The following PTPRU variants were observed in gnomAD, a reference collection of about 807,000 sequenced individuals.
The protein encoded by PTPRU is receptor-type tyrosine-protein phosphatase U.
Under a neutral mutation model 166.3 loss-of-function variants are expected in PTPRU, and 69 were observed. The ratio of observed to expected loss-of-function variants is 0.41; its 90% CI spans 0.34 to 0.51. The LOEUF is 0.51. Ranked by LOEUF, PTPRU falls within the 20% of genes least tolerant of loss-of-function variation. The pLI, the probability that PTPRU is intolerant of heterozygous loss-of-function variation, is 0.09. For synonymous variants in PTPRU, 793 were observed against 814.0 expected (o/e 0.97, Z 0.44); for missense variants, 1,657 against 2,013.7 (o/e 0.82, Z 3.39).
In PTPRU at chr1:29,316,169, G is replaced by A. The variant is rs35403596; in HGVS notation, c.3513+18G>A. The A allele has an allele frequency of 0.1, 160,988 of 1,609,038 alleles. 8,824 individuals are homozygous for A. Among genetic ancestry groups the A allele is most frequent in the Middle Eastern group, 0.19 (1,032 of 5,540 alleles). ...AGTTCCAGGTGGGGGATGAGTGCGT[G>A]TGTATAGGTGTGTGTGTGTGTGTCT... is the stretch of plus-strand genomic sequence containing the variant. On this transcript the variant is annotated intron_variant, in intron 24 of 29. Coordinates refer to ENST00000373779, the MANE Select transcript of PTPRU (RefSeq NM_133178.4).
At chr1:29,325,355 C>A in intron 29 of PTPRU, 29 bp downstream of exon 29, 1 of 1,611,738 alleles carries the variant, frequency 6.2e-7, no homozygotes, top group South Asian at 1.1e-5. Flanking sequence ...TGCCCAGCCA[C>A]TTCCACCTTC....
chr1:29,296,787 G>T (rs557368121), intron 15 of PTPRU, among the ~76,000 whole-genome samples: 2 of 151,734 alleles, frequency 1.3e-5, no homozygotes, highest in South Asian at 2.1e-4. Flanking sequence ...CTCTCAAAGT[G>T]CTGGGATTAC....
Position 29,283,935 on chromosome 1 carries a change from T to C in PTPRU, c.2143-5T>C. 6.2e-7 allele frequency: 1 copy of C among 1,613,992 alleles called. No individual in the cohort carries two copies. Among genetic ancestry groups the C allele is most frequent in the East Asian group, 2.2e-5 (1 of 44,864 alleles). ...CAACGCTGAGACCCCCATCTGTGCCTCCAGGAGACCCGGCTGAATTGCATC... is the reference window on the plus strand; with the variant it reads ...CAACGCTGAGACCCCCATCTGTGCCCCCAGGAGACCCGGCTGAATTGCATC... On this transcript the variant is annotated splice_polypyrimidine_tract_variant and splice_region_variant and intron_variant, in intron 12 of 29. Transcript: ENST00000373779.
chr1:29,296,993 T>A (rs770964624), intron 15 of PTPRU, among the ~76,000 whole-genome samples: 1 of 152,032 alleles, frequency 6.6e-6, no homozygotes, highest in Non-Finnish European at 1.5e-5. Context: ...CATATTCTCC[T>A]TGTAATCTCT....
At chr1:29,252,168 C>A (rs1684574369) in intron 1 of PTPRU, among the ~76,000 whole-genome samples, 1 of 152,210 alleles carries the variant, frequency 6.6e-6, no homozygotes, top group Non-Finnish European at 1.5e-5. Flanking sequence ...TTGGTGCCAT[C>A]CTCACACCCA....
At chr1:29,292,811 T>TTG (rs1686700552) in intron 15 of PTPRU, among the ~76,000 whole-genome samples, 1 of 141,824 alleles carries the variant, frequency 7.1e-6, no homozygotes, top group African/African-American at 2.8e-5. Context: ...CTTGAAATTG[T>TTG]TGTGTTTTTT....
Position 29,282,808 on chromosome 1 carries a change from C to T in PTPRU, c.2001C>T (p.Ala667=), listed in dbSNP as rs535081694. Residue 667 remains alanine (A), a synonymous_variant, in exon 12 of 30, where the codon GCC becomes GCT. Transcript: ENST00000373779. ...LARGLVHYFG[A]ELAASSLPEA... ...GAGGCCTGGTGCACTACTTCGGGGC[C>T]GAACTGGCGGCCAGCAGTCTACCTG... The T allele has an allele frequency of 8.7e-6, 14 of 1,614,140 alleles. No homozygotes were observed. Among genetic ancestry groups the T allele is most frequent in the Non-Finnish European group, 1.0e-5 (12 of 1,180,004 alleles).
chr1:29,320,763 T>G lies in PTPRU; in HGVS notation c.3766T>G (p.Tyr1256Asp). ...CACGCCCGACTTCTGGCGGCTGGTC[T>G]ACGATTACGGGTGCACCTCCATCGT... Reference protein sequence around the residue: ...STTPDFWRLVYDYGCTSIVML... With the variant: ...STTPDFWRLVDDYGCTSIVML... The change falls in exon 26 of 30, where the codon TAC (tyrosine) becomes GAC (aspartate). Residue 1256 changes from tyrosine (Y) to aspartate (D), a missense_variant. By Grantham distance (160) the Tyr-to-Asp change is radical. Around this residue, in one of 3 missense-constraint regions of PTPRU, gnomAD observed 1,190 missense variants for 1,477.4 expected, o/e 0.81. Coordinates refer to ENST00000373779, the MANE Select transcript of PTPRU (RefSeq NM_133178.4). This position sits in a 1 kb window ranked among gnomAD's most constrained non-coding sequence, Gnocchi z 5.2. The G allele has an allele frequency of 6.2e-7, 1 of 1,608,742 alleles. No homozygotes were observed. The highest frequency in any genetic ancestry group is 2.2e-5 in the East Asian group (1 of 44,648).
At chr1:29,284,262 G>A (rs1201338140) in intron 13 of PTPRU, among the ~76,000 whole-genome samples, 1 of 152,138 alleles carries the variant, frequency 6.6e-6, no homozygotes, top group African/African-American at 2.4e-5. Flanking sequence ...GTATCTGTCC[G>A]GCTTTCCTGT....
In PTPRU at chr1:29,288,514, C is replaced by T. The variant is rs114031839; in HGVS notation, c.2319-3355C>T. ...AATGCCATTTCTTCAGCCGTGTCCT[C>T]CCTCGTGGGGCCTCTGCAACAGCCC... On this transcript the variant is annotated intron_variant, in intron 14 of 29. Coordinates refer to ENST00000373779, the MANE Select transcript of PTPRU (RefSeq NM_133178.4). Among the ~76,000 whole-genome samples, 1,030 of 152,240 alleles carry T rather than the reference C, an allele frequency of 6.8e-3. 15 individuals are homozygous for T. The highest frequency in any genetic ancestry group is 0.023 in the African/African-American group (964 of 41,536).
At chr1:29,252,498 C>T (rs1684598145) in intron 1 of PTPRU, among the ~76,000 whole-genome samples, 1 of 152,070 alleles carries the variant, frequency 6.6e-6, no homozygotes, top group Admixed American at 6.5e-5. Flanking sequence ...GAACTCCTGA[C>T]CTCAGGCGAT....
Position 29,258,552 on chromosome 1 carries a change from G to A in PTPRU, c.253G>A (p.Ala85Thr), listed in dbSNP as rs564556096. The A allele has an allele frequency of 1.2e-5, 19 of 1,614,198 alleles. No individual in the cohort carries two copies. The Middle Eastern group carries it at 6.6e-4, about 56-fold the overall frequency. ...TTCCCAGCATGCCCCAGGCCAGCGA[G>A]CCCATGTCATCTTCCAGAGCCTGAG... is the stretch of plus-strand genomic sequence containing the variant. ...NTSQHAPGQR[A>T]HVIFQSLSEN... The change falls in exon 3 of 30, where the codon GCC becomes ACC. Residue 85 changes from alanine to threonine, a missense_variant. Physicochemically the swap from Ala to Thr is moderately conservative, Grantham distance 58 (BLOSUM62 0). Around this residue, in one of 3 missense-constraint regions of PTPRU, gnomAD observed 453 missense variants for 496.9 expected, o/e 0.91. Transcript: ENST00000373779.
At chr1:29,316,419 A>G (rs1342881722) in intron 24 of PTPRU, among the ~76,000 whole-genome samples, 1 of 152,194 alleles carries the variant, frequency 6.6e-6, no homozygotes, top group African/African-American at 2.4e-5. Context: ...GTATCCTTGA[A>G]CAGTTCCCTT....
chr1:29,323,799 G>A lies in PTPRU; in HGVS notation c.4112+11G>A, dbSNP rs202130665. The A allele has an allele frequency of 5.0e-6, 8 of 1,613,582 alleles. No homozygotes were observed. The highest frequency in any genetic ancestry group is 2.2e-5 in the East Asian group (1 of 44,862). ...CATCGTGCACTGCCTGTGAGTACCT[G>A]CCCTGTGGGAGGGCGGGTGGAGGGG... is the stretch of plus-strand genomic sequence containing the variant. On this transcript the variant is annotated intron_variant, in intron 28 of 29. Transcript: ENST00000373779.
Position 29,236,825 on chromosome 1 carries a change from C to T in PTPRU, c.73+108C>T. Reference sequence around the variant, plus strand: ...AGTGACCGGGCGTTACGAGCGTGCTCCCTGTGTGTGTCTGAGCGTAGGATG... The same window carrying T: ...AGTGACCGGGCGTTACGAGCGTGCTTCCTGTGTGTGTCTGAGCGTAGGATG... On this transcript the variant is annotated intron_variant, in intron 1 of 29. Transcript: ENST00000373779. This position sits in a 1 kb window ranked among gnomAD's most constrained non-coding sequence, Gnocchi z 4.6. 1 of 1,071,752 alleles carries T rather than the reference C, an allele frequency of 9.3e-7. No individual in the cohort carries two copies. The highest frequency in any genetic ancestry group is 1.2e-6 in the Non-Finnish European group (1 of 831,698). 66.4% of individuals were successfully genotyped at this position (1,071,752 alleles called of 1,614,324 possible).
intron 14 of PTPRU, chr1:29,289,728 T>G: frequency 6.2e-7 from 1 of 1,613,810 alleles, no homozygotes; most frequent in Non-Finnish European, 8.5e-7. Context: ...TAGCTCTACC[T>G]TGCCTGGGAG....
intron 2 of PTPRU, among the ~76,000 whole-genome samples, chr1:29,258,144 T>C (rs1232798208): frequency 6.6e-6 from 1 of 152,172 alleles, no homozygotes. Context: ...TTTGTTTTTT[T>C]AGTAGAGACA....
rs1684971683 is a variant in PTPRU, at chr1:29,259,975, C to G, written c.781C>G (p.Leu261Val). 6.4e-7 allele frequency: 1 copy of G among 1,554,008 alleles called. No individual in the cohort carries two copies. The highest frequency in any genetic ancestry group is 8.6e-7 in the Non-Finnish European group (1 of 1,157,574). The change falls in exon 6 of 30, where the codon CTG becomes GTG. Residue 261 changes from leucine to valine, a missense_variant. Leu to Val is a conservative substitution (Grantham distance 32). Coordinates refer to ENST00000373779, the MANE Select transcript of PTPRU (RefSeq NM_133178.4). ...TGCCGTGAGCCGCGCCGAGCAGGAC[C>G]TGTACCGCTGTGTGTCCCAGGCCCC... ...LAAVSRAEQD[L>V]YRCVSQAPRG...
chr1:29,292,671 A>C (rs925321919), intron 15 of PTPRU, among the ~76,000 whole-genome samples: 11 of 152,356 alleles, frequency 7.2e-5, no homozygotes, highest in African/African-American at 2.6e-4. Flanking sequence ...GAGAATATGT[A>C]ATGTTTATGA....
Sources: gnomAD v4.1 joint callset for allele counts (sites outside exome capture counted in the v4.1 genomes callset) on GRCh38, gnomAD v4.1.1 for gene constraint, gnomAD v4.1.1 regional missense constraint, Gnocchi (gnomAD v3.1) non-coding constraint, MANE v1.5 for transcripts, NCBI Gene and HGNC (gene_info 2026-07-23, HGNC 2026-07-21) for gene names.